COLEC12: variants seen among roughly 807,000 people sequenced by gnomAD.
COLEC12 encodes collectin-12.
Under a neutral mutation model 71.1 loss-of-function variants are expected in COLEC12, and 33 were observed. The ratio of observed to expected loss-of-function variants is 0.46; its 90% CI spans 0.35 to 0.62. The LOEUF is 0.62. Among genes scored for constraint, COLEC12 ranks in the 20% least tolerant of loss-of-function variants. The probability of loss-of-function intolerance (pLI) is 0.00; values close to 1 mark genes in which losing one functional copy is unlikely to be tolerated. For missense variants in COLEC12, 765 were observed against 916.1 expected (o/e 0.84, Z 2.13); for synonymous variants, 350 against 353.0 (o/e 0.99, Z 0.10).
At chr18:374,267 C>G (rs933979323) in intron 2 of COLEC12, among the ~76,000 whole-genome samples, 1 of 152,144 alleles carries the variant, frequency 6.6e-6, no homozygotes, top group Non-Finnish European at 1.5e-5. Flanking sequence ...ACTGATAACA[C>G]CATATTTGTC....
chr18:322,653 G>A (rs763998579), intron 8 of COLEC12, among the ~76,000 whole-genome samples: 5 of 152,212 alleles, frequency 3.3e-5, no homozygotes, highest in Admixed American at 2.6e-4. Flanking sequence ...ACAGAAGCTT[G>A]TGGCTGCTGC....
intron 2 of COLEC12, among the ~76,000 whole-genome samples, chr18:368,746 G>GT (rs1288460903): frequency 6.6e-6 from 1 of 152,070 alleles, no homozygotes; most frequent in Non-Finnish European, 1.5e-5. Flanking sequence ...GGCGCCTGTA[G>GT]TCCCAGCTAC....
At chr18:465,237 G>T (rs1276223900) in intron 2 of COLEC12, among the ~76,000 whole-genome samples, 2 of 152,104 alleles carry the variant, frequency 1.3e-5, no homozygotes, top group Admixed American at 1.3e-4. Context: ...CGAGTAGCTG[G>T]GATTACAGGC....
At chr18:391,429 A>G (rs1915461695) in intron 2 of COLEC12, among the ~76,000 whole-genome samples, 1 of 152,186 alleles carries the variant, frequency 6.6e-6, no homozygotes, top group Non-Finnish European at 1.5e-5. Context: ...CAGCGAATAC[A>G]CATGTGTTGT....
chr18:442,002 T>TACACACACAGACACACACAC (rs1555620304), intron 2 of COLEC12, among the ~76,000 whole-genome samples: 98 of 120,806 alleles, frequency 8.1e-4, no homozygotes, highest in African/African-American at 3.7e-3. Context: ...TCTCTCTCTC[T>TACACACACAGACACACACAC]ACACACACAC....
At chr18:347,366 T>C in intron 4 of COLEC12, 25 bp from the exon 5 acceptor site, 1 of 1,588,288 alleles carries the variant, frequency 6.3e-7, no homozygotes, top group Non-Finnish European at 8.6e-7. Context: ...ATCTGTGACT[T>C]ATATTGGTGG....
chr18:453,365 G>A (rs1466801767), intron 2 of COLEC12, among the ~76,000 whole-genome samples: 1 of 152,138 alleles, frequency 6.6e-6, no homozygotes, highest in African/African-American at 2.4e-5. Context: ...AAATGAGAAG[G>A]ATGAGGAAGG....
intron 2 of COLEC12, among the ~76,000 whole-genome samples, chr18:457,430 C>T (rs1182236689): frequency 6.6e-6 from 1 of 152,170 alleles, no homozygotes; most frequent in Admixed American, 6.5e-5. Context: ...TGTTTTTAAC[C>T]CTGCCTTGAA....
At chr18:341,401 A>G (rs1387206209) in intron 5 of COLEC12, among the ~76,000 whole-genome samples, 1 of 152,262 alleles carries the variant, frequency 6.6e-6, no homozygotes, top group Admixed American at 6.5e-5. Flanking sequence ...CCAAGTGCTT[A>G]GCAGCGTGAT....
At chr18:483,311 C>T (rs1165384912) in intron 1 of COLEC12, among the ~76,000 whole-genome samples, 1 of 151,036 alleles carries the variant, frequency 6.6e-6, no homozygotes, top group Non-Finnish European at 1.5e-5. Context: ...GAGGCAGAAT[C>T]ACTTGAATCC....
At chr18:475,151 C>T (rs940643590) in intron 2 of COLEC12, among the ~76,000 whole-genome samples, 1 of 152,168 alleles carries the variant, frequency 6.6e-6, no homozygotes, top group Non-Finnish European at 1.5e-5. Flanking sequence ...AAACTCTCCC[C>T]TTAACTTGAT....
At chr18:422,999 A>G (rs549176208) in intron 2 of COLEC12, among the ~76,000 whole-genome samples, 1 of 152,382 alleles carries the variant, frequency 6.6e-6, no homozygotes, top group African/African-American at 2.4e-5. Flanking sequence ...AGCTGGGTAC[A>G]GTGGCTTACG....
chr18:324,302 A>T (rs2143410094), intron 8 of COLEC12, among the ~76,000 whole-genome samples: 1 of 152,338 alleles, frequency 6.6e-6, no homozygotes, highest in South Asian at 2.1e-4. Context: ...GCTTAACCTC[A>T]TTCACAGGTA....
chr18:419,718 T>C (rs1483892079), intron 2 of COLEC12, among the ~76,000 whole-genome samples: 3 of 152,246 alleles, frequency 2.0e-5, no homozygotes, highest in African/African-American at 7.2e-5. Flanking sequence ...ATTGTTGATA[T>C]GTCATCTGTG....
intron 2 of COLEC12, among the ~76,000 whole-genome samples, chr18:384,095 G>C (rs1915292341): frequency 6.6e-6 from 1 of 152,172 alleles, no homozygotes; most frequent in South Asian, 2.1e-4. Flanking sequence ...GATGAGATTT[G>C]GGTGGGGACA....
chr18:469,497 G>GATATGCAGGACTAAGAATGACC (rs1322454231), intron 2 of COLEC12, among the ~76,000 whole-genome samples: 2 of 152,138 alleles, frequency 1.3e-5, no homozygotes, highest in Non-Finnish European at 2.9e-5. Context: ...ACATCACTTT[G>GATATGCAGGACTAAGAATGACC]ATATGCAGGA....
chr18:488,452 T>C (rs1194946822), intron 1 of COLEC12, among the ~76,000 whole-genome samples: 1 of 151,802 alleles, frequency 6.6e-6, no homozygotes, highest in Non-Finnish European at 1.5e-5. Context: ...TTAAAAAATA[T>C]GATCACAGAA....
chr18:457,153 C>G (rs1443933171), intron 2 of COLEC12, among the ~76,000 whole-genome samples: 2 of 152,118 alleles, frequency 1.3e-5, no homozygotes, highest in African/African-American at 4.8e-5. Flanking sequence ...CACAGTGAGG[C>G]CTGCCGATCT....
chr18:366,093 A>G (rs1338639111), intron 2 of COLEC12, among the ~76,000 whole-genome samples: 1 of 152,202 alleles, frequency 6.6e-6, no homozygotes, highest in Non-Finnish European at 1.5e-5. Context: ...CAGTAGTTAT[A>G]CTGGTGAACA....
Sources: allele counts gnomAD v4.1 joint callset (sites outside exome capture counted in the v4.1 genomes callset), GRCh38; gene constraint gnomAD v4.1.1; transcripts MANE v1.5; gene names NCBI Gene and HGNC (gene_info 2026-07-23, HGNC 2026-07-21).